Variants in ARK2C observed in about 807,000 individuals in gnomAD.
The protein encoded by ARK2C is E3 ubiquitin-protein ligase ARK2C.
chr18:46,359,683 C>G, the ARK2C span, among the ~76,000 whole-genome samples: 6 of 152,316 alleles, frequency 3.9e-5, no homozygotes, highest in South Asian at 2.1e-4. Flanking sequence ...CTGGAGGTAG[C>G]AATCCAGGGC....
the ARK2C span, among the ~76,000 whole-genome samples, chr18:46,348,119 G>A: frequency 6.6e-6 from 1 of 151,936 alleles, no homozygotes; most frequent in Non-Finnish European, 1.5e-5. Context: ...CTTAGCCTGC[G>A]GCAGACATCC....
At chr18:46,444,290 A>T in the ARK2C span, among the ~76,000 whole-genome samples, 1 of 152,002 alleles carries the variant, frequency 6.6e-6, no homozygotes, top group Non-Finnish European at 1.5e-5. Context: ...CTGTGAATTT[A>T]TAGTTTTTAT....
At chr18:46,425,534 C>G in the ARK2C span, among the ~76,000 whole-genome samples, 2 of 152,218 alleles carry the variant, frequency 1.3e-5, no homozygotes, top group African/African-American at 4.8e-5. Context: ...GGATGAAACT[C>G]CACTTTCCTC....
chr18:46,437,675 A>T, the ARK2C span, among the ~76,000 whole-genome samples: 1 of 152,082 alleles, frequency 6.6e-6, no homozygotes, highest in African/African-American at 2.4e-5. Flanking sequence ...GCCTTGGGGG[A>T]TACATCCCAA....
At chr18:46,352,478 CAG>C in the ARK2C span, among the ~76,000 whole-genome samples, 1 of 152,160 alleles carries the variant, frequency 6.6e-6, no homozygotes, top group Non-Finnish European at 1.5e-5. Context: ...GCTGTGGTAA[CAG>C]AGATCCAAAA....
the ARK2C span, among the ~76,000 whole-genome samples, chr18:46,365,814 G>T: frequency 6.6e-6 from 1 of 152,134 alleles, no homozygotes; most frequent in African/African-American, 2.4e-5. Context: ...CATTCAGTAG[G>T]GAAGCTCCAG....
At chr18:46,342,225 G>A in the ARK2C span, among the ~76,000 whole-genome samples, 2 of 152,198 alleles carry the variant, frequency 1.3e-5, no homozygotes, top group Non-Finnish European at 2.9e-5. Context: ...GCCAGAAGGG[G>A]AACCTAGGTG....
the ARK2C span, among the ~76,000 whole-genome samples, chr18:46,347,482 C>T: frequency 3.9e-5 from 6 of 152,140 alleles, no homozygotes; most frequent in Non-Finnish European, 5.9e-5. Flanking sequence ...GGTCGCTGCT[C>T]GAGGGAGCTG....
the ARK2C span, among the ~76,000 whole-genome samples, chr18:46,455,562 C>G: frequency 1.3e-5 from 2 of 152,076 alleles, no homozygotes; most frequent in Non-Finnish European, 2.9e-5. Flanking sequence ...TATGGCCGGG[C>G]AAGGTGGCTC....
At chr18:46,452,084 T>G in the ARK2C span, among the ~76,000 whole-genome samples, 1 of 152,092 alleles carries the variant, frequency 6.6e-6, no homozygotes, top group Non-Finnish European at 1.5e-5. Context: ...ATACATGACA[T>G]TATGCATTTG....
the ARK2C span, among the ~76,000 whole-genome samples, chr18:46,378,965 G>A: frequency 2.0e-5 from 3 of 152,190 alleles, no homozygotes; most frequent in African/African-American, 4.8e-5. Flanking sequence ...TATGTCAAAT[G>A]AAGGGACCTC....
At chr18:46,422,459 G>A in the ARK2C span, among the ~76,000 whole-genome samples, 1 of 152,206 alleles carries the variant, frequency 6.6e-6, no homozygotes, top group Non-Finnish European at 1.5e-5. Context: ...AGGCTCCCTG[G>A]GGGCCATGTT....
At chr18:46,435,214 G>T in the ARK2C span, 2 of 1,344,006 alleles carry the variant, frequency 1.5e-6, no homozygotes, top group Non-Finnish European at 2.1e-6. Context: ...AGGCTGCCCC[G>T]GTTTCTCAGA....
chr18:46,380,056 T>A, the ARK2C span, among the ~76,000 whole-genome samples: 1 of 152,142 alleles, frequency 6.6e-6, no homozygotes, highest in African/African-American at 2.4e-5. Flanking sequence ...TCCCCATCCA[T>A]GAGCTCTGCT....
the ARK2C span, chr18:46,450,475 C>T: frequency 1.8e-6 from 2 of 1,141,960 alleles, no homozygotes; most frequent in Non-Finnish European, 2.7e-6. Context: ...CCCTCCCCAC[C>T]TCTGCTGGTG....
chr18:46,338,390 G>C, the ARK2C span, among the ~76,000 whole-genome samples: 2 of 152,208 alleles, frequency 1.3e-5, no homozygotes, highest in African/African-American at 4.8e-5. Flanking sequence ...AGGAATAAGA[G>C]GGTCTGTGCC....
the ARK2C span, among the ~76,000 whole-genome samples, chr18:46,449,948 T>G: frequency 6.6e-6 from 1 of 152,172 alleles, no homozygotes; most frequent in Non-Finnish European, 1.5e-5. Context: ...CTTGAGCCAA[T>G]TACATAATCT....
the ARK2C span, among the ~76,000 whole-genome samples, chr18:46,409,243 G>A: frequency 1.3e-5 from 2 of 152,304 alleles, no homozygotes; most frequent in African/African-American, 2.4e-5. Flanking sequence ...AGAAAAAAGG[G>A]GAACAGCAAT....
the ARK2C span, among the ~76,000 whole-genome samples, chr18:46,438,666 G>A: frequency 6.6e-6 from 1 of 152,198 alleles, no homozygotes; most frequent in African/African-American, 2.4e-5. Context: ...CATGAATAAG[G>A]CACTGTCCTT....
Sources: allele counts gnomAD v4.1 joint callset (sites outside exome capture counted in the v4.1 genomes callset), GRCh38; gene constraint gnomAD v4.1.1; transcripts MANE v1.5; gene names NCBI Gene and HGNC (gene_info 2026-07-23, HGNC 2026-07-21).